The following SLC66A3 variants were observed in gnomAD, a reference collection of about 807,000 sequenced individuals.
The protein encoded by SLC66A3 is solute carrier family 66 member 3.
A neutral mutation model predicts 25.5 loss-of-function variants in SLC66A3; 23 were observed. That is an observed-to-expected ratio of 0.90 (90% CI 0.65 to 1.28). The LOEUF is 1.28. Ranked by LOEUF, SLC66A3 falls within the 50% of genes most tolerant of loss-of-function variation. The pLI, the probability that SLC66A3 is intolerant of heterozygous loss-of-function variation, is 0.00. For missense variants in SLC66A3, 246 were observed against 262.1 expected (o/e 0.94, Z 0.42); for synonymous variants, 108 against 112.6 (o/e 0.96, Z 0.26).
intron 3 of SLC66A3, 78 bp downstream of exon 3, chr2:11,160,772 T>C: frequency 1.3e-6 from 2 of 1,599,332 alleles, no homozygotes; most frequent in Non-Finnish European, 1.7e-6. Flanking sequence ...AGCAGGCTCC[T>C]TTACCAGATG....
At chr2:11,164,470 T>TAGCTGGGATTACAGGC (rs1213328626) in intron 4 of SLC66A3, among the ~76,000 whole-genome samples, 7 of 150,422 alleles carry the variant, frequency 4.7e-5, no homozygotes, top group African/African-American at 1.5e-4. Context: ...GCCTCTCGAG[T>TAGCTGGGATTACAGGC]AGCTGGGATT....
chr2:11,177,855 G>A lies in SLC66A3; in HGVS notation c.*27G>A, dbSNP rs1335903328. Reference sequence around the variant, plus strand: ...GGATACATTATTCCTTCACACAGTGGATTTTGAGTAACTGAACCAAAGGAA... The same window carrying A: ...GGATACATTATTCCTTCACACAGTGAATTTTGAGTAACTGAACCAAAGGAA... On this transcript the variant is annotated 3_prime_UTR_variant, in exon 7 of 7. Transcript: ENST00000295083. The A allele has an allele frequency of 1.5e-6, 2 of 1,344,946 alleles. No homozygotes were observed. Among genetic ancestry groups the A allele is most frequent in the Non-Finnish European group, 2.1e-6 (2 of 952,292 alleles). 83.3% of individuals were successfully genotyped at this position (1,344,946 alleles called of 1,614,324 possible).
At position 11,166,120 on chromosome 2, in the gene SLC66A3, C is replaced by T. The variant is rs995550847; in HGVS notation, c.354+1859C>T. 2.6e-5 allele frequency among the ~76,000 whole-genome samples: 4 copies of T among 152,296 alleles called. No homozygotes were observed. The Middle Eastern group carries it at 0.01, about 389-fold the overall frequency. On this transcript the variant is annotated intron_variant, in intron 4 of 6. Transcript: ENST00000295083. The stretch of plus-strand genomic sequence containing the variant: ...AACTCCTGACCTCAGATGATCCACA[C>T]GCCTCGGCCTCCCAAAGTGCTGGGA...
In SLC66A3 at chr2:11,160,561, T is replaced by C. The variant is rs757707890; in HGVS notation, c.226+13T>C. 1 of 1,614,114 alleles carries C rather than the reference T, an allele frequency of 6.2e-7. No individual in the cohort carries two copies. The highest frequency in any genetic ancestry group is 1.1e-5 in the South Asian group (1 of 91,078). ...CTCATCGCGCAAGGTAACAGCCCCTTCCCTGTCCAGCGGACTGCCACGGGT... is the reference window on the plus strand; with the variant it reads ...CTCATCGCGCAAGGTAACAGCCCCTCCCCTGTCCAGCGGACTGCCACGGGT... On this transcript the variant is annotated intron_variant, in intron 2 of 6. Coordinates refer to ENST00000295083, the MANE Select transcript of SLC66A3 (RefSeq NM_152391.5).
intron 4 of SLC66A3, among the ~76,000 whole-genome samples, chr2:11,168,215 G>A (rs1168935987): frequency 6.6e-6 from 1 of 151,822 alleles, no homozygotes; most frequent in Non-Finnish European, 1.5e-5. Flanking sequence ...AACCCGGGAG[G>A]CAGAGGTTGC....
chr2:11,168,025 G>T (rs11689991), intron 4 of SLC66A3, among the ~76,000 whole-genome samples: 5 of 152,056 alleles, frequency 3.3e-5, no homozygotes, highest in Admixed American at 2.0e-4. Context: ...TCACGCCTGT[G>T]ATCCCAGCAC....
chr2:11,177,973 A>G lies in SLC66A3; in HGVS notation c.*145A>G. 1.7e-6 allele frequency: 1 copy of G among 595,944 alleles called. No individual in the cohort carries two copies. The highest frequency in any genetic ancestry group is 2.9e-6 in the Non-Finnish European group (1 of 343,370). The allele number at this position is 595,944 out of a possible 1,614,324, so 36.9% of individuals were successfully genotyped here. On this transcript the variant is annotated 3_prime_UTR_variant, in exon 7 of 7. Coordinates refer to ENST00000295083, the MANE Select transcript of SLC66A3 (RefSeq NM_152391.5). Reference sequence around the variant, plus strand: ...AAAGGTTTTTTTAGACTTGAAAGAAAGAGCCACTTAAATTCTTGTTTAAAA... The same window carrying G: ...AAAGGTTTTTTTAGACTTGAAAGAAGGAGCCACTTAAATTCTTGTTTAAAA...
chr2:11,167,687 G>GGGGCACA (rs1662392045), intron 4 of SLC66A3, among the ~76,000 whole-genome samples: 1 of 152,104 alleles, frequency 6.6e-6, no homozygotes, highest in Non-Finnish European at 1.5e-5. Flanking sequence ...CACCTGCTCT[G>GGGGCACA]AGGTACCAGG....
chr2:11,159,476 C>A (rs935565980), intron 1 of SLC66A3, among the ~76,000 whole-genome samples: 1 of 152,192 alleles, frequency 6.6e-6, no homozygotes, highest in Non-Finnish European at 1.5e-5. Context: ...GGGAGGCCCT[C>A]GTGCTCAGGG....
chr2:11,172,449 A>G (rs1308808753), intron 5 of SLC66A3, among the ~76,000 whole-genome samples: 1 of 152,204 alleles, frequency 6.6e-6, no homozygotes, highest in Non-Finnish European at 1.5e-5. Flanking sequence ...GTAGTGATGG[A>G]GATTTTCGGC....
intron 1 of SLC66A3, 31 bp from the exon 2 acceptor site, chr2:11,160,435 G>A (rs972688725): frequency 1.2e-6 from 2 of 1,601,636 alleles, no homozygotes; most frequent in African/African-American, 1.3e-5. Flanking sequence ...TTTTGGGGCA[G>A]CCGTGTGGAC....
intron 3 of SLC66A3, among the ~76,000 whole-genome samples, chr2:11,161,983 G>A (rs2147986554): frequency 6.6e-6 from 1 of 152,364 alleles, no homozygotes; most frequent in South Asian, 2.1e-4. Flanking sequence ...GTGGTGGGAA[G>A]CAGTTGGCCT....
chr2:11,172,777 G>A (rs1385929659), intron 5 of SLC66A3: 2 of 439,756 alleles, frequency 4.5e-6, no homozygotes, highest in Non-Finnish European at 9.2e-6. Context: ...ACAGGCTGGA[G>A]TGCAGTGATA....
intron 5 of SLC66A3, chr2:11,172,956 A>G (rs1038059814): frequency 6.2e-6 from 1 of 161,752 alleles, no homozygotes; most frequent in African/African-American, 2.4e-5. Flanking sequence ...TCTGCCTCCA[A>G]GGTTCAAGCG....
chr2:11,172,172 C>G, intron 5 of SLC66A3, 127 bp downstream of exon 5: 1 of 734,628 alleles, frequency 1.4e-6, no homozygotes, highest in East Asian at 2.8e-5. Flanking sequence ...GGCTACTCAG[C>G]TAGAACCTCC....
intron 6 of SLC66A3, among the ~76,000 whole-genome samples, chr2:11,176,835 A>G (rs1411929558): frequency 6.6e-6 from 1 of 152,196 alleles, no homozygotes; most frequent in African/African-American, 2.4e-5. Flanking sequence ...GCCAGGGAAT[A>G]ACTTTTTAAA....
At chr2:11,166,981 C>T (rs533215176) in intron 4 of SLC66A3, among the ~76,000 whole-genome samples, 10 of 152,174 alleles carry the variant, frequency 6.6e-5, no homozygotes, top group Admixed American at 5.9e-4. Context: ...ACTAGATGTC[C>T]TGTATTTTTG....
intron 1 of SLC66A3, among the ~76,000 whole-genome samples, chr2:11,158,347 A>G (rs1661981030): frequency 6.7e-6 from 1 of 149,956 alleles, no homozygotes. Flanking sequence ...GTGAAACCCC[A>G]TCTCTACTAA....
intron 4 of SLC66A3, among the ~76,000 whole-genome samples, chr2:11,170,832 G>A (rs1018850873): frequency 5.3e-5 from 8 of 151,418 alleles, no homozygotes; most frequent in East Asian, 2.0e-4. Context: ...CTTGTGATTC[G>A]TCCGCCTCAG....
Sources: gnomAD v4.1 joint callset for allele counts (sites outside exome capture counted in the v4.1 genomes callset) on GRCh38, gnomAD v4.1.1 for gene constraint, MANE v1.5 for transcripts, NCBI Gene and HGNC (gene_info 2026-07-23, HGNC 2026-07-21) for gene names.